The following RPA3 variants were observed in gnomAD, a reference collection of about 807,000 sequenced individuals.
RPA3 encodes replication protein A 14 kDa subunit.
In RPA3, 24 loss-of-function variants were observed where a neutral mutation model predicts 13.7. That is an observed-to-expected ratio of 1.75 (90% CI 1.27 to 2.46). The LOEUF is 2.46. Ranked by LOEUF, RPA3 falls within the 30% of genes most tolerant of loss-of-function variation. The probability of loss-of-function intolerance (pLI) is 0.00; values close to 1 mark genes in which losing one functional copy is unlikely to be tolerated. For synonymous variants in RPA3, 59 were observed against 51.2 expected (o/e 1.15, Z -0.65); for missense variants, 183 against 151.0 (o/e 1.21, Z -1.11).
At chr7:7,686,690 A>G (rs957526297) in intron 3 of RPA3, among the ~76,000 whole-genome samples, 1 of 152,176 alleles carries the variant, frequency 6.6e-6, no homozygotes, top group African/African-American at 2.4e-5. Flanking sequence ...AATCTTCTTT[A>G]GCTTCACTGT....
Position 7,640,704 on chromosome 7 carries a change from G to C in RPA3, c.-286C>G. The C allele has an allele frequency of 2.5e-6, 1 of 401,740 alleles. No homozygotes were observed. The highest frequency in any genetic ancestry group is 3.1e-5 in the South Asian group (1 of 32,232). The allele number at this position is 401,740 out of a possible 1,614,324, so 24.9% of individuals were successfully genotyped here. A position where few individuals can be genotyped will look rare whatever the true frequency, so the allele number is the denominator to read the frequency against. On this transcript the variant is annotated 5_prime_UTR_variant, in exon 5 of 8. Transcript: ENST00000223129. ...GGCAGTGGAGGCGGGACTTGGATAG[G>C]GGCGGAACCTGAGACTACCTTTCTG... is the stretch of plus-strand genomic sequence containing the variant.
chr7:7,690,400 G>A (rs1780146272), intron 2 of RPA3, among the ~76,000 whole-genome samples: 1 of 151,914 alleles, frequency 6.6e-6, no homozygotes, highest in Admixed American at 6.6e-5. Flanking sequence ...TATATATTAT[G>A]TTTTTACTGG....
intron 2 of RPA3, among the ~76,000 whole-genome samples, chr7:7,712,380 A>AT (rs1437350760): frequency 2.0e-5 from 3 of 152,122 alleles, no homozygotes; most frequent in Non-Finnish European, 2.9e-5. Context: ...TCCTTAATAC[A>AT]TTTTTGTAAA....
chr7:7,675,006 T>C (rs1348679395), intron 4 of RPA3, among the ~76,000 whole-genome samples: 1 of 151,978 alleles, frequency 6.6e-6, no homozygotes, highest in African/African-American at 2.4e-5. Flanking sequence ...TTTTATTATA[T>C]ATGTATTTAA....
At chr7:7,643,190 A>C (rs772733332) in intron 4 of RPA3, among the ~76,000 whole-genome samples, 3 of 152,182 alleles carry the variant, frequency 2.0e-5, no homozygotes, top group Admixed American at 1.3e-4. Flanking sequence ...CAAAATGTTA[A>C]TTGAATGTAG....
Position 7,695,237 on chromosome 7 carries a change from C to T in RPA3, c.-1027-7909G>A, listed in dbSNP as rs527524808. Among the ~76,000 whole-genome samples the T allele has an allele frequency of 2.6e-5, 4 of 152,260 alleles. No homozygotes were observed. In the South Asian group the frequency reaches 8.3e-4, roughly 32 times the overall value. ...AGAGAAAATCACTGTTGCTGCCAACCAAGTAGCCGTGCAATAATTTGTTTA... is the reference window on the plus strand; with the variant it reads ...AGAGAAAATCACTGTTGCTGCCAACTAAGTAGCCGTGCAATAATTTGTTTA... On this transcript the variant is annotated intron_variant, in intron 2 of 7. Transcript: ENST00000223129.
chr7:7,643,449 G>T lies in RPA3; in HGVS notation c.-757-2274C>A, dbSNP rs1785020621. On this transcript the variant is annotated intron_variant, in intron 4 of 7. Transcript: ENST00000223129. ...ATCAGGGCCGGGCGCGGTGGCTCACGCCTGTAATCCCAGCACTTTGGGAGG... is the reference window on the plus strand; with the variant it reads ...ATCAGGGCCGGGCGCGGTGGCTCACTCCTGTAATCCCAGCACTTTGGGAGG... 1.3e-5 allele frequency among the ~76,000 whole-genome samples: 2 copies of T among 152,214 alleles called. 1 individual carries two copies. The highest frequency in any genetic ancestry group is 4.8e-5 in the African/African-American group (2 of 41,462).
chr7:7,686,197 A>G (rs916586763), intron 3 of RPA3, among the ~76,000 whole-genome samples, 199 bp from the exon 4 acceptor site: 13 of 152,184 alleles, frequency 8.5e-5, no homozygotes, highest in African/African-American at 3.1e-4. Flanking sequence ...GGTGGGGCAG[A>G]TTGTGTAAAG....
At chr7:7,673,481 TA>T in intron 4 of RPA3, 2 of 730,606 alleles carry the variant, frequency 2.7e-6, no homozygotes, top group Non-Finnish European at 4.9e-6. Context: ...ACAAAATAAT[TA>T]GATGAATTAT....
At chr7:7,650,175 T>G (rs1490379178) in intron 4 of RPA3, among the ~76,000 whole-genome samples, 1 of 152,250 alleles carries the variant, frequency 6.6e-6, no homozygotes, top group Non-Finnish European at 1.5e-5. Context: ...GATTTAGTTC[T>G]GTTTTGATTT....
chr7:7,656,829 C>T (rs1390944019), intron 4 of RPA3, among the ~76,000 whole-genome samples: 2 of 152,152 alleles, frequency 1.3e-5, no homozygotes, highest in African/African-American at 2.4e-5. Flanking sequence ...GGTATATACC[C>T]AGTAATGGGA....
chr7:7,709,911 A>C (rs1780709722), intron 2 of RPA3, among the ~76,000 whole-genome samples: 1 of 151,912 alleles, frequency 6.6e-6, no homozygotes, highest in South Asian at 2.1e-4. Flanking sequence ...CCTTACTCCC[A>C]CCTCAGAGGT....
At chr7:7,670,031 C>G (rs1163099039) in intron 4 of RPA3, among the ~76,000 whole-genome samples, 2 of 152,108 alleles carry the variant, frequency 1.3e-5, no homozygotes, top group Admixed American at 6.6e-5. Context: ...ACTGCTGCAG[C>G]CAGTGTGTTT....
chr7:7,680,999 G>A (rs982774101), intron 4 of RPA3, among the ~76,000 whole-genome samples: 8 of 151,940 alleles, frequency 5.3e-5, no homozygotes, highest in African/African-American at 1.5e-4. Context: ...TTGTGGCATC[G>A]TGTGCAATAC....
intron 2 of RPA3, among the ~76,000 whole-genome samples, chr7:7,703,019 CAGG>C (rs1282701442): frequency 2.0e-5 from 3 of 152,200 alleles, no homozygotes; most frequent in Non-Finnish European, 4.4e-5. Flanking sequence ...AGCAGAATTT[CAGG>C]AGAATGCCTT....
At chr7:7,650,325 TG>T (rs1392569583) in intron 4 of RPA3, among the ~76,000 whole-genome samples, 18 of 152,372 alleles carry the variant, frequency 1.2e-4, no homozygotes, top group Admixed American at 2.6e-4. Context: ...AGTTCATGTT[TG>T]TTTTTCTGAG....
At chr7:7,717,767 C>T (rs937252858) in intron 1 of RPA3, among the ~76,000 whole-genome samples, 4 of 152,086 alleles carry the variant, frequency 2.6e-5, no homozygotes, top group African/African-American at 9.7e-5. Flanking sequence ...GGAACTCTGG[C>T]CTGGATGAGA....
intron 2 of RPA3, among the ~76,000 whole-genome samples, chr7:7,692,735 GA>G (rs1033110999): frequency 2.6e-5 from 4 of 151,936 alleles, no homozygotes; most frequent in African/African-American, 9.7e-5. Flanking sequence ...TCAGCCTCCC[GA>G]GTAGTTGGGA....
At chr7:7,690,866 A>C (rs780114011) in intron 2 of RPA3, among the ~76,000 whole-genome samples, 2 of 152,212 alleles carry the variant, frequency 1.3e-5, no homozygotes, top group Admixed American at 1.3e-4. Context: ...CAGAAATTCA[A>C]TTATGACTTA....
Sources: gnomAD v4.1 joint callset for allele counts (sites outside exome capture counted in the v4.1 genomes callset) on GRCh38, gnomAD v4.1.1 for gene constraint, MANE v1.5 for transcripts, NCBI Gene and HGNC (gene_info 2026-07-23, HGNC 2026-07-21) for gene names.